The following GLIS3 variants were observed in gnomAD, a reference collection of about 807,000 sequenced individuals.
GLIS3 encodes the protein GLIS family zinc finger 3.
A neutral mutation model predicts 78.6 loss-of-function variants in GLIS3; 53 were observed. The observed-to-expected ratio is 0.67, with a 90% CI of 0.54 to 0.85. The LOEUF is 0.85. Ranked by LOEUF, GLIS3 falls within the 40% of genes least tolerant of loss-of-function variation. The pLI is 0.00. For missense variants in GLIS3, 1,703 were observed against 1,231.1 expected (o/e 1.38, Z -5.74); for synonymous variants, 684 against 509.9 (o/e 1.34, Z -4.60).
chr9:4,279,770 T>A (rs1386403924), intron 2 of GLIS3, among the ~76,000 whole-genome samples: 1 of 152,134 alleles, frequency 6.6e-6, no homozygotes. Context: ...TAGTTTAAAA[T>A]GTTATTTTCC....
intron 4 of GLIS3, among the ~76,000 whole-genome samples, chr9:4,089,689 T>TA (rs754453727): frequency 5.9e-5 from 9 of 151,970 alleles, no homozygotes; most frequent in Admixed American, 2.0e-4. Context: ...CATGGTGGTG[T>TA]ATACATGTAA....
intron 2 of GLIS3, among the ~76,000 whole-genome samples, chr9:4,266,145 C>T (rs953140479): frequency 6.6e-6 from 1 of 151,866 alleles, no homozygotes; most frequent in Non-Finnish European, 1.5e-5. Context: ...GTCTCGATCT[C>T]CTGACCTCAT....
chr9:4,471,386 T>C, the GLIS3 span, among the ~76,000 whole-genome samples: 5 of 152,158 alleles, frequency 3.3e-5, no homozygotes, highest in East Asian at 5.8e-4. Flanking sequence ...CAAAACAGCA[T>C]GGTACTGGTA....
chr9:3,861,216 G>C (rs1310678513), intron 8 of GLIS3, among the ~76,000 whole-genome samples: 1 of 152,160 alleles, frequency 6.6e-6, no homozygotes, highest in African/African-American at 2.4e-5. Context: ...CGTCTATAGA[G>C]TTCTTAGAAA....
chr9:4,233,514 C>T lies in GLIS3; in HGVS notation c.388+52524G>A, dbSNP rs181972809. Among the ~76,000 whole-genome samples, 116 of 152,270 alleles carry T rather than the reference C, an allele frequency of 7.6e-4. 1 individual carries two copies. The Middle Eastern group carries it at 0.01, about 13-fold the overall frequency. On this transcript the variant is annotated intron_variant, in intron 2 of 10. Coordinates refer to ENST00000381971, the MANE Select transcript of GLIS3 (RefSeq NM_001042413.2). The stretch of plus-strand genomic sequence containing the variant: ...AATCTTTCTTTTTTGAGCAGTAGGT[C>T]TCAACAGAGGACTTAAAATACTCAG...
chr9:4,442,797 G>A, the GLIS3 span, among the ~76,000 whole-genome samples: 1 of 151,962 alleles, frequency 6.6e-6, no homozygotes, highest in Non-Finnish European at 1.5e-5. Context: ...AAACTGAATG[G>A]ATTTTGTTTT....
intron 2 of GLIS3, among the ~76,000 whole-genome samples, chr9:4,327,805 T>A (rs973285665): frequency 4.6e-5 from 7 of 152,186 alleles, no homozygotes; most frequent in Admixed American, 3.3e-4. Flanking sequence ...GACCTGGGCC[T>A]AACTTCCTCC....
chr9:4,485,012 G>T, the GLIS3 span, among the ~76,000 whole-genome samples: 43 of 138,920 alleles, frequency 3.1e-4, no homozygotes, highest in Admixed American at 7.7e-4. Flanking sequence ...TCCTTTTTTT[G>T]GGGGGGTGGG....
chr9:4,118,692 G>T lies in GLIS3; in HGVS notation c.786C>A (p.Ser262Arg). 2 of 1,614,104 alleles carry T rather than the reference G, an allele frequency of 1.2e-6. No individual in the cohort carries two copies. The highest frequency in any genetic ancestry group is 2.2e-5 in the South Asian group (2 of 91,068). Reference protein sequence around the residue: ...LSLPPGTSMSSNSVSNSLPSY... With the variant: ...LSLPPGTSMSRNSVSNSLPSY... Reference sequence around the variant, plus strand: ...ATGGTAATGAGTTAGAGACACTATTGCTGGACATGGATGTCCCGGGAGGAA... The same window carrying T: ...ATGGTAATGAGTTAGAGACACTATTTCTGGACATGGATGTCCCGGGAGGAA... Residue 262 changes from serine to arginine, a missense_variant, in exon 4 of 11, where the codon AGC becomes AGA. By Grantham distance (110) the Ser-to-Arg change is moderately radical (BLOSUM62 -1). Transcript: ENST00000381971. The surrounding 1 kb of genome is among the most constrained non-coding windows in gnomAD (Gnocchi z 4.7).
chr9:4,181,238 T>C (rs1460060633), intron 2 of GLIS3, among the ~76,000 whole-genome samples: 1 of 152,248 alleles, frequency 6.6e-6, no homozygotes, highest in East Asian at 1.9e-4. Flanking sequence ...ACCCATCTGC[T>C]GGACACTAGG....
chr9:4,164,026 A>C (rs1467099573), intron 2 of GLIS3, among the ~76,000 whole-genome samples: 1 of 152,164 alleles, frequency 6.6e-6, no homozygotes, highest in East Asian at 1.9e-4. Context: ...TTCATAATCT[A>C]CTTTATTCTC....
At chr9:4,008,023 A>G (rs1366746581) in intron 4 of GLIS3, among the ~76,000 whole-genome samples, 1 of 151,870 alleles carries the variant, frequency 6.6e-6, no homozygotes, top group South Asian at 2.1e-4. Context: ...CTCCCTCTGC[A>G]CCTAAGCTCC....
intron 2 of GLIS3, among the ~76,000 whole-genome samples, chr9:4,344,873 G>A (rs577709814): frequency 1.3e-5 from 2 of 152,234 alleles, no homozygotes; most frequent in South Asian, 2.1e-4. Context: ...ACCCATCAGC[G>A]AATCTTACTG....
At chr9:4,199,804 T>C (rs1003028210) in intron 2 of GLIS3, among the ~76,000 whole-genome samples, 4 of 152,096 alleles carry the variant, frequency 2.6e-5, no homozygotes, top group Admixed American at 1.3e-4. Flanking sequence ...ACTTGACCAA[T>C]TGGACCTAAT....
rs534949454 is a variant in GLIS3, at chr9:4,211,373, C to G, written c.388+74665G>C. On this transcript the variant is annotated intron_variant, in intron 2 of 10. Transcript: ENST00000381971. ...TAAGACAGCATCACTGAAAAGGTCC[C>G]AAATTCATTCACACTCAGTGCAGAA... 3.4e-3 allele frequency among the ~76,000 whole-genome samples: 517 copies of G among 152,324 alleles called. 1 individual carries two copies. The highest frequency in any genetic ancestry group is 0.012 in the African/African-American group (500 of 41,570).
chr9:4,249,407 G>A lies in GLIS3; in HGVS notation c.388+36631C>T, dbSNP rs1004171118. 2.0e-5 allele frequency among the ~76,000 whole-genome samples: 3 copies of A among 152,102 alleles called. No homozygotes were observed. In the East Asian group the frequency reaches 5.8e-4, roughly 29 times the overall value. On this transcript the variant is annotated intron_variant, in intron 2 of 10. Transcript: ENST00000381971. The stretch of plus-strand genomic sequence containing the variant: ...CAATTGTGAATGGAAGTTAACTCAT[G>A]ATTTGGCTGTTTGTCTATTATTGGT...
chr9:4,041,258 G>C (rs933876104), intron 4 of GLIS3, among the ~76,000 whole-genome samples: 2 of 152,160 alleles, frequency 1.3e-5, no homozygotes, highest in Admixed American at 1.3e-4. Flanking sequence ...GGTGGGAGTG[G>C]AAGTTTGCTA....
At chr9:4,385,805 GAA>G in the GLIS3 span, among the ~76,000 whole-genome samples, 475 of 60,514 alleles carry the variant, frequency 7.8e-3, 20 homozygotes, top group African/African-American at 0.03. Context: ...AAGAAAGAAA[GAA>G]AGAAAAGAAA....
rs746324052 is a variant in GLIS3 at position 4,118,503 on chromosome 9, C to T, written c.975G>A (p.Thr325=). ...DFNTIIRTSP[T]SLVAYINGSR... ...ACCCGTTGATGTAGGCCACCAAGGA[C>T]GTGGGCGACGTGCGGATGATGGTAT... Residue 325 remains threonine, a synonymous_variant, in exon 4 of 11, where the codon ACG becomes ACA. Transcript: ENST00000381971. This position sits in a 1 kb window ranked among gnomAD's most constrained non-coding sequence, Gnocchi z 4.7. 3 of 1,614,198 alleles carry T rather than the reference C, an allele frequency of 1.9e-6. No individual in the cohort carries two copies. The highest frequency in any genetic ancestry group is 2.2e-5 in the South Asian group (2 of 91,086).
Sources: allele counts gnomAD v4.1 joint callset (sites outside exome capture counted in the v4.1 genomes callset), GRCh38; gene constraint gnomAD v4.1.1; non-coding constraint Gnocchi (gnomAD v3.1); transcripts MANE v1.5; gene names NCBI Gene and HGNC (gene_info 2026-07-23, HGNC 2026-07-21).